Variants in GPC5 observed in about 807,000 individuals in gnomAD.
GPC5 encodes the protein glypican-5.
GPC5 carries 47 observed loss-of-function variants against 53.9 expected under a neutral mutation model. The ratio of observed to expected loss-of-function variants is 0.87; its 90% CI spans 0.69 to 1.11. The LOEUF (loss-of-function observed/expected upper bound fraction) is 1.11, where lower values mean the gene tolerates loss of function less well. Ranked by LOEUF, GPC5 falls within the 50% of genes most tolerant of loss-of-function variation. The pLI is 0.00. For missense variants in GPC5, 748 were observed against 713.1 expected (o/e 1.05, Z -0.56); for synonymous variants, 286 against 263.3 (o/e 1.09, Z -0.84).
intron 2 of GPC5, among the ~76,000 whole-genome samples, chr13:91,561,337 C>T (rs1224037050): frequency 2.0e-5 from 3 of 152,128 alleles, no homozygotes; most frequent in Non-Finnish European, 4.4e-5. Context: ...CTTAACTCTA[C>T]CCCAATAGCA....
At chr13:92,358,333 C>G (rs2043539317) in intron 7 of GPC5, among the ~76,000 whole-genome samples, 1 of 124,658 alleles carries the variant, frequency 8.0e-6, no homozygotes. Flanking sequence ...CTGCAGGGAA[C>G]AGACCCTGTG....
chr13:92,266,030 C>T (rs1171448508), intron 7 of GPC5, among the ~76,000 whole-genome samples: 1 of 152,158 alleles, frequency 6.6e-6, no homozygotes, highest in Non-Finnish European at 1.5e-5. Flanking sequence ...GAACACACTC[C>T]CTTAACAATA....
At chr13:91,953,207 T>C (rs1566360664) in intron 6 of GPC5, among the ~76,000 whole-genome samples, 1 of 152,158 alleles carries the variant, frequency 6.6e-6, no homozygotes, top group Non-Finnish European at 1.5e-5. Flanking sequence ...GTAAGGTCAT[T>C]GGCTAATTTT....
intron 2 of GPC5, among the ~76,000 whole-genome samples, chr13:91,488,283 A>G (rs563790986): frequency 6.6e-6 from 1 of 152,266 alleles, no homozygotes; most frequent in Non-Finnish European, 1.5e-5. Flanking sequence ...ACTATGCTTG[A>G]TTTTCAATTT....
rs1483781758 is a variant in GPC5, at chr13:92,326,226, T to C, written c.1561+181237T>C. On this transcript the variant is annotated intron_variant, in intron 7 of 7. Coordinates refer to ENST00000377067, the MANE Select transcript of GPC5 (RefSeq NM_004466.6). ...TTCTGATGTTCTCATTCAGGTGTAATTCTACTTGCCGGTAAGTATATCCTG... is the reference window on the plus strand; with the variant it reads ...TTCTGATGTTCTCATTCAGGTGTAACTCTACTTGCCGGTAAGTATATCCTG... Among the ~76,000 whole-genome samples the C allele has an allele frequency of 3.3e-5, 5 of 152,102 alleles. No individual in the cohort carries two copies. The East Asian group carries it at 9.6e-4, about 29-fold the overall frequency.
chr13:92,197,506 G>T (rs919500724), intron 7 of GPC5, among the ~76,000 whole-genome samples: 2 of 151,824 alleles, frequency 1.3e-5, no homozygotes, highest in Non-Finnish European at 2.9e-5. Flanking sequence ...TTTCCTATTG[G>T]GGTTTGTTTG....
chr13:92,167,364 G>T (rs182178565), intron 7 of GPC5, among the ~76,000 whole-genome samples: 1 of 152,074 alleles, frequency 6.6e-6, no homozygotes, highest in Non-Finnish European at 1.5e-5. Flanking sequence ...TGTTGGGAAG[G>T]AATAAGCTCA....
At chr13:91,948,280 T>C (rs1437849301) in intron 6 of GPC5, among the ~76,000 whole-genome samples, 2 of 150,992 alleles carry the variant, frequency 1.3e-5, no homozygotes, top group African/African-American at 2.4e-5. Flanking sequence ...AATATACTTA[T>C]AATGCTTATT....
rs1555302909 is a variant in GPC5 at position 92,685,545 on chromosome 13, T to TTTTTTTTTTTTAA, written c.1562-180726_1562-180725insAATTTTTTTTTTT. On this transcript the variant is annotated intron_variant, in intron 7 of 7. Transcript: ENST00000377067. ...AGTTATTTATGAAAAATTATGCTCA[T>TTTTTTTTTTTTAA]TTTTTTTTTTTTTAATTTTTTTTTT... 1.7e-3 allele frequency among the ~76,000 whole-genome samples: 25 copies of TTTTTTTTTTTTAA among 14,994 alleles called. No homozygotes were observed. The East Asian group carries it at 0.033, about 20-fold the overall frequency. 9.8% of individuals were successfully genotyped at this position (14,994 alleles called of 152,430 possible).
intron 1 of GPC5, among the ~76,000 whole-genome samples, chr13:91,436,342 C>T (rs1292933871): frequency 1.3e-5 from 2 of 151,734 alleles, no homozygotes; most frequent in African/African-American, 4.8e-5. Flanking sequence ...AAATTTCCCT[C>T]TACACACTGC....
At chr13:91,562,619 ATTTTTT>A (rs35271520) in intron 2 of GPC5, among the ~76,000 whole-genome samples, 4 of 126,078 alleles carry the variant, frequency 3.2e-5, no homozygotes, top group Non-Finnish European at 6.6e-5. Flanking sequence ...ATGCCTGGCT[ATTTTTT>A]TTTTTTTTTT....
rs116988705 is a variant in GPC5 at position 92,088,222 on chromosome 13, C to T, written c.1402-56608C>T. On this transcript the variant is annotated intron_variant, in intron 6 of 7. Coordinates refer to ENST00000377067, the MANE Select transcript of GPC5 (RefSeq NM_004466.6). The stretch of plus-strand genomic sequence containing the variant: ...CTCTACCGAAGCTGCTCTTCCATAC[C>T]GTTCCACTCCTTTCACTCAAAGTAC... Among the ~76,000 whole-genome samples, 1,088 of 152,252 alleles carry T rather than the reference C, an allele frequency of 7.1e-3. 6 individuals carry two copies. The highest frequency in any genetic ancestry group is 0.012 in the Non-Finnish European group (835 of 68,030).
At chr13:91,515,525 C>T (rs778181270) in intron 2 of GPC5, among the ~76,000 whole-genome samples, 7 of 152,064 alleles carry the variant, frequency 4.6e-5, no homozygotes, top group Non-Finnish European at 1.0e-4. Flanking sequence ...AATAACTTGC[C>T]TAAGGTCATA....
At chr13:92,849,865 T>C (rs1354673120) in intron 7 of GPC5, among the ~76,000 whole-genome samples, 1 of 152,226 alleles carries the variant, frequency 6.6e-6, no homozygotes, top group Non-Finnish European at 1.5e-5. Flanking sequence ...ATAGTCTTCA[T>C]ATCAAGGATG....
chr13:92,339,496 G>A (rs941266206), intron 7 of GPC5, among the ~76,000 whole-genome samples: 7 of 151,962 alleles, frequency 4.6e-5, no homozygotes, highest in African/African-American at 1.7e-4. Flanking sequence ...GCTTTATAAC[G>A]TTAACTACAC....
intron 2 of GPC5, among the ~76,000 whole-genome samples, chr13:91,558,919 G>C (rs1040338341): frequency 6.6e-6 from 1 of 151,852 alleles, no homozygotes; most frequent in African/African-American, 2.4e-5. Context: ...TCCACTATTG[G>C]TATATTTTTA....
At chr13:92,684,607 T>A (rs1887205228) in intron 7 of GPC5, among the ~76,000 whole-genome samples, 1 of 152,192 alleles carries the variant, frequency 6.6e-6, no homozygotes, top group Non-Finnish European at 1.5e-5. Flanking sequence ...AATATTCCAT[T>A]GTATGGCTAC....
intron 7 of GPC5, among the ~76,000 whole-genome samples, chr13:92,208,222 T>C (rs866032851): frequency 6.6e-6 from 1 of 152,218 alleles, no homozygotes; most frequent in South Asian, 2.1e-4. Context: ...GTTCTTCCGA[T>C]GGCATTGGCA....
rs2043675891 is a variant in GPC5, at chr13:92,374,436, T to A, written c.1561+229447T>A. 2.6e-5 allele frequency among the ~76,000 whole-genome samples: 4 copies of A among 152,076 alleles called. No individual in the cohort carries two copies. The South Asian group carries it at 8.3e-4, about 31-fold the overall frequency. On this transcript the variant is annotated intron_variant, in intron 7 of 7. Coordinates refer to ENST00000377067, the MANE Select transcript of GPC5 (RefSeq NM_004466.6). ...CATGATGTCACTGAACTCTAGTTAA[T>A]AAGATATATATATGCACAATTGGCT... is the stretch of plus-strand genomic sequence containing the variant.
Sources: gnomAD v4.1 joint callset for allele counts (sites outside exome capture counted in the v4.1 genomes callset) on GRCh38, gnomAD v4.1.1 for gene constraint, MANE v1.5 for transcripts, NCBI Gene and HGNC (gene_info 2026-07-23, HGNC 2026-07-21) for gene names.